The following EPHA5 variants were observed in gnomAD, a reference collection of about 807,000 sequenced individuals.
EPHA5 encodes ephrin type-A receptor 5.
EPHA5 carries 60 observed loss-of-function variants against 105.0 expected under a neutral mutation model. The observed-to-expected ratio is 0.57, with a 90% CI of 0.46 to 0.71. The LOEUF is 0.71. Ranked by LOEUF, EPHA5 falls within the 30% of genes least tolerant of loss-of-function variation. EPHA5 has a pLI of 0.00. For synonymous variants in EPHA5, 513 were observed against 449.1 expected, an observed-to-expected ratio of 1.14 and a Z score of -1.80; for missense variants, 1,218 against 1,274.7, an observed-to-expected ratio of 0.96 and a Z score of 0.68.
intron 13 of EPHA5, among the ~76,000 whole-genome samples, chr4:65,349,454 T>C (rs1722611189): frequency 6.6e-6 from 1 of 152,130 alleles, no homozygotes; most frequent in Admixed American, 6.6e-5. Flanking sequence ...TAATCAAATA[T>C]TTCATCTATC....
chr4:65,481,044 G>T (rs1440110491), intron 5 of EPHA5, among the ~76,000 whole-genome samples: 2 of 152,108 alleles, frequency 1.3e-5, no homozygotes, highest in African/African-American at 4.8e-5. Context: ...GCAGCTCATT[G>T]CTTGTGCTCA....
rs142614772 is a variant in EPHA5 at position 65,663,035 on chromosome 4, A to G, written c.181+6527T>C. 3.9e-5 allele frequency among the ~76,000 whole-genome samples: 6 copies of G among 152,296 alleles called. No homozygotes were observed. The East Asian group carries it at 1.2e-3, about 29-fold the overall frequency. ...GTTTTGTTATGCTCACCTATAGTATAACTAATAATTTAAGCATTATTAATA... is the reference window on the plus strand; with the variant it reads ...GTTTTGTTATGCTCACCTATAGTATGACTAATAATTTAAGCATTATTAATA... On this transcript the variant is annotated intron_variant, in intron 1 of 16. Coordinates refer to ENST00000613740, the MANE Select transcript of EPHA5 (RefSeq NM_001281766.3).
chr4:65,414,011 G>A (rs1723154560), intron 7 of EPHA5, among the ~76,000 whole-genome samples: 1 of 152,146 alleles, frequency 6.6e-6, no homozygotes, highest in Non-Finnish European at 1.5e-5. Context: ...GCAGTAGAAA[G>A]AAAGTCTTTA....
intron 3 of EPHA5, among the ~76,000 whole-genome samples, chr4:65,589,190 A>G (rs1742400913): frequency 6.6e-6 from 1 of 152,172 alleles, no homozygotes; most frequent in Admixed American, 6.5e-5. Flanking sequence ...AGTATGAAGG[A>G]AATCCAACTA....
intron 15 of EPHA5, among the ~76,000 whole-genome samples, chr4:65,333,542 T>TGC: frequency 9.3e-4 from 1 of 1,080 alleles, no homozygotes; most frequent in Non-Finnish European, 6.3e-3. Context: ...TGTGTGTCTG[T>TGC]GTGTGTGTGT....
intron 3 of EPHA5, among the ~76,000 whole-genome samples, chr4:65,596,802 C>G (rs969242766): frequency 3.3e-5 from 5 of 152,050 alleles, no homozygotes; most frequent in African/African-American, 1.2e-4. Context: ...CCTTTTGTTA[C>G]ATATAATAAC....
chr4:65,652,884 A>G (rs1748734444), intron 1 of EPHA5, among the ~76,000 whole-genome samples: 1 of 152,088 alleles, frequency 6.6e-6, no homozygotes, highest in East Asian at 1.9e-4. Flanking sequence ...CAAAGTAATA[A>G]TGAACCCTCT....
intron 7 of EPHA5, among the ~76,000 whole-genome samples, chr4:65,413,960 G>A (rs1386538177): frequency 1.3e-5 from 2 of 152,086 alleles, no homozygotes; most frequent in African/African-American, 2.4e-5. Context: ...TCAATAAAAC[G>A]ACTAAAAAAG....
intron 5 of EPHA5, among the ~76,000 whole-genome samples, chr4:65,436,463 A>C (rs1352596167): frequency 1.3e-5 from 2 of 151,962 alleles, no homozygotes; most frequent in African/African-American, 4.8e-5. Flanking sequence ...GGTTACTTAG[A>C]GGATAAGATG....
At chr4:65,390,651 G>T (rs1225078695) in intron 8 of EPHA5, among the ~76,000 whole-genome samples, 2 of 151,994 alleles carry the variant, frequency 1.3e-5, no homozygotes, top group African/African-American at 4.8e-5. Context: ...CAAACAGGAA[G>T]AAATGATAAT....
intron 2 of EPHA5, among the ~76,000 whole-genome samples, chr4:65,604,033 G>A (rs546783017): frequency 3.4e-4 from 2 of 5,812 alleles, no homozygotes; most frequent in Non-Finnish European, 9.2e-4. Context: ...TATATTTTTT[G>A]AATTAGTCAA....
At chr4:65,524,187 G>A (rs1459575398) in intron 3 of EPHA5, among the ~76,000 whole-genome samples, 1 of 151,726 alleles carries the variant, frequency 6.6e-6, no homozygotes, top group Non-Finnish European at 1.5e-5. Flanking sequence ...GCACTATAAT[G>A]TAAACATGTA....
At chr4:65,527,936 A>G (rs1158419769) in intron 3 of EPHA5, among the ~76,000 whole-genome samples, 1 of 152,158 alleles carries the variant, frequency 6.6e-6, no homozygotes, top group Non-Finnish European at 1.5e-5. Flanking sequence ...AAGTGAGAAC[A>G]TGCAGTATTT....
At chr4:65,579,360 A>G (rs962366766) in intron 3 of EPHA5, among the ~76,000 whole-genome samples, 19 of 145,622 alleles carry the variant, frequency 1.3e-4, no homozygotes, top group East Asian at 6.0e-4. Flanking sequence ...GTATGTGTGT[A>G]TATATATATA....
At chr4:65,568,295 G>T (rs1035557044) in intron 3 of EPHA5, among the ~76,000 whole-genome samples, 8 of 151,398 alleles carry the variant, frequency 5.3e-5, no homozygotes, top group Admixed American at 4.6e-4. Flanking sequence ...TAGGAGAATT[G>T]AATATGCAGG....
At chr4:65,464,289 T>G (rs1162066814) in intron 5 of EPHA5, among the ~76,000 whole-genome samples, 1 of 152,002 alleles carries the variant, frequency 6.6e-6, no homozygotes, top group African/African-American at 2.4e-5. Flanking sequence ...TACAAATTCT[T>G]TTTTCTATTT....
At chr4:65,650,677 C>T (rs1213199899) in intron 1 of EPHA5, among the ~76,000 whole-genome samples, 1 of 151,986 alleles carries the variant, frequency 6.6e-6, no homozygotes. Flanking sequence ...CTGATTCTAA[C>T]ACAATGATAA....
chr4:65,662,236 C>A (rs1212560737), intron 1 of EPHA5, among the ~76,000 whole-genome samples: 1 of 152,070 alleles, frequency 6.6e-6, no homozygotes, highest in Non-Finnish European at 1.5e-5. Flanking sequence ...ACTGTATTTT[C>A]TCTAAATCTT....
chr4:65,635,366 G>T (rs1038887496), intron 2 of EPHA5, among the ~76,000 whole-genome samples: 1 of 152,174 alleles, frequency 6.6e-6, no homozygotes, highest in South Asian at 2.1e-4. Flanking sequence ...AAGTTCTTAA[G>T]ATCAGCATTA....
Sources: allele counts gnomAD v4.1 joint callset (sites outside exome capture counted in the v4.1 genomes callset), GRCh38; gene constraint gnomAD v4.1.1; transcripts MANE v1.5; gene names NCBI Gene and HGNC (gene_info 2026-07-23, HGNC 2026-07-21).